The following ANKMY1 variants were observed in gnomAD, a reference collection of about 807,000 sequenced individuals.
The protein encoded by ANKMY1 is ankyrin repeat and MYND domain containing 1, also known as ankyrin repeat and MYND domain-containing protein 1.
ANKMY1 carries 98 observed loss-of-function variants against 102.0 expected under a neutral mutation model. The ratio of observed to expected loss-of-function variants is 0.96; its 90% CI spans 0.82 to 1.14. The LOEUF is 1.14. Ranked by LOEUF, ANKMY1 falls within the 50% of genes most tolerant of loss-of-function variation. The pLI is 0.00. For missense variants in ANKMY1, 1,330 were observed against 1,347.6 expected (o/e 0.99, Z 0.20); for synonymous variants, 582 against 559.9 (o/e 1.04, Z -0.56).
At chr2:240,551,242 A>G (rs1439991863) in intron 4 of ANKMY1, among the ~76,000 whole-genome samples, 1 of 152,146 alleles carries the variant, frequency 6.6e-6, no homozygotes. Context: ...TAACCTTGAA[A>G]TATACTTTAA....
chr2:240,558,710 C>T (rs980270596), upstream of ANKMY1: 3 of 152,176 alleles, frequency 2.0e-5, no homozygotes, highest in Non-Finnish European at 4.4e-5. Flanking sequence ...GTGTGAAGAG[C>T]TGATGCCCTG....
intron 9 of ANKMY1, among the ~76,000 whole-genome samples, chr2:240,514,808 C>G (rs183646748): frequency 6.6e-6 from 1 of 152,224 alleles, no homozygotes; most frequent in Admixed American, 6.5e-5. Context: ...GAGGCAACCC[C>G]GAGAGTCCCA....
chr2:240,550,784 G>A (rs1423973552), intron 4 of ANKMY1, among the ~76,000 whole-genome samples: 2 of 152,102 alleles, frequency 1.3e-5, no homozygotes, highest in African/African-American at 4.8e-5. Context: ...GTCAACAATA[G>A]TTAATGATTA....
At chr2:240,482,526 A>G (rs2075536335) in intron 15 of ANKMY1, among the ~76,000 whole-genome samples, 1 of 152,204 alleles carries the variant, frequency 6.6e-6, no homozygotes, top group South Asian at 2.1e-4. Flanking sequence ...CTTCTTTTTA[A>G]TTCATTTCAA....
At chr2:240,528,818 C>T (rs557457157) in intron 5 of ANKMY1, among the ~76,000 whole-genome samples, 6 of 152,292 alleles carry the variant, frequency 3.9e-5, no homozygotes, top group South Asian at 4.1e-4. Flanking sequence ...CCTGCACAGA[C>T]GTCCAGGGCC....
chr2:240,501,272 GTGTT>G (rs780020979), intron 13 of ANKMY1, among the ~76,000 whole-genome samples: 3 of 152,304 alleles, frequency 2.0e-5, no homozygotes, highest in Non-Finnish European at 4.4e-5. Flanking sequence ...GCATGCATGT[GTGTT>G]TGTGAGTGAG....
the ANKMY1 span, among the ~76,000 whole-genome samples, chr2:240,471,218 C>T: frequency 6.6e-6 from 1 of 151,806 alleles, no homozygotes; most frequent in African/African-American, 2.4e-5. Context: ...AGTGAGATTC[C>T]CTCAGAGAAA....
rs147958902 is a variant in ANKMY1, at chr2:240,500,515, G to C, written c.2577C>G (p.Leu859=). The change falls in exon 14 of 18, where the codon CTC becomes CTG. Residue 859 remains leucine, a synonymous_variant. Transcript: ENST00000401804. ...HGADILKPVM[L]RQGEKEAVGT... is the part of the protein sequence containing the mutation. ...CCACTGCCTCCTTTTCTCCCTGCCT[G>C]AGCATTACAGGCTTCAGGATGTCGG... The C allele has an allele frequency of 1.9e-6, 3 of 1,614,006 alleles. No homozygotes were observed. Among genetic ancestry groups the C allele is most frequent in the South Asian group, 1.1e-5 (1 of 91,092 alleles).
chr2:240,500,468 T>C lies in ANKMY1; in HGVS notation c.2624A>G (p.Tyr875Cys), dbSNP rs924440474. The change falls in exon 14 of 18, where the codon TAC becomes TGC. Residue 875 changes from tyrosine to cysteine, a missense_variant. Physicochemically the swap from Tyr to Cys is radical, Grantham distance 194 (BLOSUM62 -2). Transcript: ENST00000401804. ...ACCACCTACCTGGAAGAATCTGAAGTAGCCATAGTCCACGGCTGTGCCCAC... is the reference window on the plus strand; with the variant it reads ...ACCACCTACCTGGAAGAATCTGAAGCAGCCATAGTCCACGGCTGTGCCCAC... Reference protein sequence around the residue: ...EAVGTAVDYGYFRFFQDRRIA... With the variant: ...EAVGTAVDYGCFRFFQDRRIA... 1.9e-6 allele frequency: 3 copies of C among 1,613,930 alleles called. No individual in the cohort carries two copies. In the Admixed American group the frequency reaches 5.0e-5, roughly 27 times the overall value.
chr2:240,490,932 A>T (rs2076571711), intron 15 of ANKMY1, among the ~76,000 whole-genome samples: 1 of 152,134 alleles, frequency 6.6e-6, no homozygotes, highest in Non-Finnish European at 1.5e-5. Context: ...GTGGTATTGA[A>T]GACCCCCATT....
intron 4 of ANKMY1, among the ~76,000 whole-genome samples, chr2:240,541,360 TTG>T (rs201641357): frequency 0.018 from 2,815 of 152,252 alleles, 46 homozygotes; most frequent in Non-Finnish European, 0.026. Context: ...TGGTGATTGT[TTG>T]TGTGTGTGTC....
At chr2:240,536,856 T>C (rs921487684) in intron 4 of ANKMY1, among the ~76,000 whole-genome samples, 1 of 152,172 alleles carries the variant, frequency 6.6e-6, no homozygotes, top group Non-Finnish European at 1.5e-5. Flanking sequence ...TTTTTTCTCA[T>C]GCTAAATATT....
chr2:240,557,245 T>C lies in ANKMY1; in HGVS notation c.91A>G (p.Thr31Ala). 5 of 1,592,988 alleles carry C rather than the reference T, an allele frequency of 3.1e-6. No homozygotes were observed. Among genetic ancestry groups the C allele is most frequent in the Non-Finnish European group, 4.3e-6 (5 of 1,168,956 alleles). The stretch of plus-strand genomic sequence containing the variant: ...GACCCCGGCTCCTCGGCAGCAGGGG[T>C]CTCGCCGCCCTTCCCCTCTAGCGGG... ...QRPLEGKGGE[T>A]PAAEEPGSLK... Residue 31 changes from threonine to alanine, a missense_variant, in exon 2 of 18, where the codon ACC becomes GCC. Thr to Ala is a moderately conservative substitution (Grantham distance 58). Transcript: ENST00000401804.
chr2:240,541,750 C>T (rs1485132517), intron 4 of ANKMY1, among the ~76,000 whole-genome samples: 1 of 152,042 alleles, frequency 6.6e-6, no homozygotes, highest in Non-Finnish European at 1.5e-5. Context: ...GATCCACCTG[C>T]CTCGGCCTTC....
chr2:240,473,432 G>T, the ANKMY1 span, among the ~76,000 whole-genome samples: 682 of 130,878 alleles, frequency 5.2e-3, 6 homozygotes, highest in African/African-American at 0.019. Context: ...ACAGAAGAAA[G>T]AATTGGTAAA....
In ANKMY1 at chr2:240,520,516, C is replaced by A. The variant is rs1243761323; in HGVS notation, c.1850G>T (p.Arg617Leu). ...CCGGCGCAGCAGCAGCTTGATGGTC[C>A]GCCAGCGCTTCCTCCGCCTGAAAAA... ...LSMIERRKRW[R>L]TIKLLLRRGA... Residue 617 changes from arginine (R) to leucine (L), a missense_variant, in exon 9 of 18, where the codon CGG becomes CTG. Transcript: ENST00000401804. This position sits in a 1 kb window ranked among gnomAD's most constrained non-coding sequence, Gnocchi z 4.8. 2.5e-6 allele frequency: 4 copies of A among 1,612,180 alleles called. No homozygotes were observed. Among genetic ancestry groups the A allele is most frequent in the Middle Eastern group, 1.6e-4 (1 of 6,074 alleles).
chr2:240,525,753 AAC>A lies in ANKMY1; in HGVS notation c.1265_1266del (p.Cys422PhefsTer16). ...SDEGLTALSM[C>X]FLLHYPAQSF... ...GACTGGGCGGGGTAGTGGAGGAGGAAACACATGCTGAGTGCCGTGAGACCCTC... is the reference window on the plus strand; with the variant it reads ...GACTGGGCGGGGTAGTGGAGGAGGAAACATGCTGAGTGCCGTGAGACCCTC... On this transcript the variant is annotated frameshift_variant, in exon 7 of 18. Transcript: ENST00000401804. LOFTEE classifies it high-confidence loss of function. The A allele has an allele frequency of 6.2e-7, 1 of 1,614,128 alleles. No homozygotes were observed. Among genetic ancestry groups the A allele is most frequent in the Non-Finnish European group, 8.5e-7 (1 of 1,180,020 alleles).
intron 5 of ANKMY1, 128 bp downstream of exon 5, chr2:240,528,909 G>T: frequency 1.2e-6 from 1 of 826,418 alleles, no homozygotes; most frequent in Non-Finnish European, 2.0e-6. Context: ...TCACTTAATG[G>T]GAGGAGTGTG....
At chr2:240,495,294 C>T (rs946561602) in intron 15 of ANKMY1, among the ~76,000 whole-genome samples, 1 of 152,168 alleles carries the variant, frequency 6.6e-6, no homozygotes, top group African/African-American at 2.4e-5. Flanking sequence ...GAAGACTCTA[C>T]TCCACCACCT....
Sources: allele counts gnomAD v4.1 joint callset (sites outside exome capture counted in the v4.1 genomes callset), GRCh38; gene constraint gnomAD v4.1.1; non-coding constraint Gnocchi (gnomAD v3.1); transcripts MANE v1.5; gene names NCBI Gene and HGNC (gene_info 2026-07-23, HGNC 2026-07-21).